The following UGT2B4 variants were observed in gnomAD, a reference collection of about 807,000 sequenced individuals.
UGT2B4 encodes UDP-glucuronosyltransferase 2B4.
Under a neutral mutation model 49.8 loss-of-function variants are expected in UGT2B4, and 49 were observed. The observed-to-expected ratio is 0.98, with a 90% CI of 0.78 to 1.25. The LOEUF (loss-of-function observed/expected upper bound fraction) is 1.25. Ranked by LOEUF, UGT2B4 falls within the 50% of genes most tolerant of loss-of-function variation. The pLI is 0.00. For synonymous variants in UGT2B4, 246 were observed against 217.7 expected (o/e 1.13, Z -1.14); for missense variants, 729 against 627.7 (o/e 1.16, Z -1.73).
At chr4:69,525,294 G>A (rs1014846511) in intron 1 of UGT2B4, among the ~76,000 whole-genome samples, 21 of 152,094 alleles carry the variant, frequency 1.4e-4, no homozygotes, top group Non-Finnish European at 8.8e-5. Flanking sequence ...GCTGGGGCTT[G>A]TCTTGATAAT....
intron 1 of UGT2B4, among the ~76,000 whole-genome samples, chr4:69,503,685 T>A (rs1728400643): frequency 6.6e-6 from 1 of 152,188 alleles, no homozygotes; most frequent in African/African-American, 2.4e-5. Flanking sequence ...CTCAGAATTG[T>A]GCTGCCCAGC....
chr4:69,506,835 G>T (rs917858992), intron 1 of UGT2B4, among the ~76,000 whole-genome samples: 1 of 152,014 alleles, frequency 6.6e-6, no homozygotes, highest in African/African-American at 2.4e-5. Context: ...CAACACACTG[G>T]CAAGCTGAAT....
At chr4:69,488,091 A>AAATTATC (rs1727848580) in intron 3 of UGT2B4, among the ~76,000 whole-genome samples, 1 of 152,202 alleles carries the variant, frequency 6.6e-6, no homozygotes, top group Admixed American at 6.5e-5. Flanking sequence ...TGGAAATTAC[A>AAATTATC]AATTATCAAG....
intron 1 of UGT2B4, among the ~76,000 whole-genome samples, chr4:69,502,118 T>TTTC (rs1553896674): frequency 2.2e-5 from 3 of 135,822 alleles, no homozygotes; most frequent in East Asian, 4.2e-4. Flanking sequence ...TCTTTCTTTC[T>TTTC]TTCTTTCTTT....
intron 1 of UGT2B4, among the ~76,000 whole-genome samples, chr4:69,511,236 C>G (rs1486817110): frequency 2.6e-5 from 4 of 152,034 alleles, no homozygotes; most frequent in Non-Finnish European, 5.9e-5. Context: ...GTGATCCACC[C>G]GTCTAGGCTT....
At chr4:69,480,979 C>T (rs1727569501) in intron 5 of UGT2B4, 69 bp from the exon 6 acceptor site, 2 of 1,552,836 alleles carry the variant, frequency 1.3e-6, no homozygotes, top group African/African-American at 1.4e-5. Context: ...AGGCTCACAC[C>T]TGCAATCCCA....
intron 1 of UGT2B4, among the ~76,000 whole-genome samples, chr4:69,525,371 C>G (rs955141390): frequency 1.3e-5 from 2 of 151,908 alleles, no homozygotes; most frequent in Non-Finnish European, 2.9e-5. Flanking sequence ...AAGAAATGCA[C>G]AAAAGCAAAG....
chr4:69,482,085 C>A (rs1560430599), intron 5 of UGT2B4, among the ~76,000 whole-genome samples: 1 of 152,130 alleles, frequency 6.6e-6, no homozygotes, highest in Non-Finnish European at 1.5e-5. Flanking sequence ...TTATATTTTT[C>A]TTTAAGCTCC....
rs745505763 is a variant in UGT2B4, at chr4:69,495,459, T to A, written c.403A>T (p.Lys135Ter). Residue 135 changes from lysine (K) to a stop codon, truncating the protein, a stop_gained, in exon 1 of 6, where the codon AAA becomes TAA. Coordinates refer to ENST00000305107, the MANE Select transcript of UGT2B4 (RefSeq NM_021139.3). LOFTEE classifies it high-confidence loss of function. ...KFCKDIVSNK[K>*]LMKKLQESRF... ...GACTCCTGTAGTTTCTTCATAAGTT[T>A]CTTATTTGAAACTATATCCTTACAG... is the stretch of plus-strand genomic sequence containing the variant. 10 of 1,613,288 alleles carry A rather than the reference T, an allele frequency of 6.2e-6. No individual in the cohort carries two copies. Among genetic ancestry groups the A allele is most frequent in the Middle Eastern group, 1.7e-4 (1 of 6,060 alleles).
At position 69,524,222 on chromosome 4, in the gene UGT2B4, G is replaced by A. The variant is rs184937361; in HGVS notation, c.-106+1465C>T. On this transcript the variant is annotated intron_variant, in intron 1 of 1. Coordinates refer to the UGT2B4 transcript ENST00000510114. ...ACAACTAGGTTAACTGCTGCAAGAG[G>A]CCTAGATTTCAGCCTATCTCAGCTT... Among the ~76,000 whole-genome samples, 423 of 152,112 alleles carry A rather than the reference G, an allele frequency of 2.8e-3. 5 individuals are homozygous for A. Among genetic ancestry groups the A allele is most frequent in the African/African-American group, 9.3e-3 (385 of 41,538 alleles).
rs780464118 is a variant in UGT2B4, at chr4:69,495,267, A to G, written c.595T>C (p.Ser199Pro). 6.2e-7 allele frequency: 1 copy of G among 1,613,444 alleles called. No homozygotes were observed. The highest frequency in any genetic ancestry group is 1.7e-5 in the Admixed American group (1 of 59,874). ...AAAGTCATTTGGTCACTTAGTTCTG[A>G]CATAACAACAGGCACATAGGAAGGA... ...FPPSYVPVVMSELSDQMTFIE... is the reference protein window; with the variant it reads ...FPPSYVPVVMPELSDQMTFIE... The change falls in exon 1 of 6, where the codon TCA (serine) becomes CCA (proline). Residue 199 changes from serine (S) to proline (P), a missense_variant. By Grantham distance (74) the Ser-to-Pro change is moderately conservative. Coordinates refer to ENST00000305107, the MANE Select transcript of UGT2B4 (RefSeq NM_021139.3).
chr4:69,495,692 G>A lies in UGT2B4; in HGVS notation c.170C>T (p.Ala57Val), dbSNP rs199634926. 1 of 1,614,046 alleles carries A rather than the reference G, an allele frequency of 6.2e-7. No individual in the cohort carries two copies. Among genetic ancestry groups the A allele is most frequent in the Non-Finnish European group, 8.5e-7 (1 of 1,179,966 alleles). ...VQRGHEVTVLASSASISFDPN... is the reference protein window; with the variant it reads ...VQRGHEVTVLVSSASISFDPN... ...ATCGAAAGAAATGGAAGCTGAAGAT[G>A]CCAATACAGTCACCTCATGACCTCT... The change falls in exon 1 of 6, where the codon GCA becomes GTA. Residue 57 changes from alanine (A) to valine (V), a missense_variant. Coordinates refer to ENST00000305107, the MANE Select transcript of UGT2B4 (RefSeq NM_021139.3).
rs1327202022 is a variant in UGT2B4, at chr4:69,480,646, C to G, written c.1575G>C (p.Gly525=). Residue 525 remains glycine (G), a synonymous_variant, in exon 6 of 6, where the codon GGG becomes GGC. Transcript: ENST00000305107. ...GCCTCAGACGTAATTAATCTCTTTT[C>G]CCCTTCTTTCCTGTTCTAACAAACT... ...VWKFVRTGKK[G]KRD The G allele has an allele frequency of 6.2e-7, 1 of 1,613,760 alleles. No homozygotes were observed. Among genetic ancestry groups the G allele is most frequent in the Admixed American group, 1.7e-5 (1 of 60,002 alleles).
chr4:69,502,650 G>A (rs939627702), intron 1 of UGT2B4, among the ~76,000 whole-genome samples: 2 of 152,066 alleles, frequency 1.3e-5, no homozygotes, highest in African/African-American at 4.8e-5. Flanking sequence ...TGGGCCTCTA[G>A]CCACTCCCTG....
Position 69,480,592 on chromosome 4 carries a change from A to G in UGT2B4, c.*42T>C. 1 of 1,593,872 alleles carries G rather than the reference A, an allele frequency of 6.3e-7. No homozygotes were observed. Among genetic ancestry groups the G allele is most frequent in the Non-Finnish European group, 8.6e-7 (1 of 1,169,410 alleles). On this transcript the variant is annotated 3_prime_UTR_variant, in exon 6 of 6. Transcript: ENST00000305107. The stretch of plus-strand genomic sequence containing the variant: ...TCTTCTTGTTGTAATAAACTAAAGG[A>G]GTTCATTTATTGGGTTTCCCAGCTT...
In UGT2B4 at chr4:69,512,084, A is replaced by G. The variant is rs1372949237; in HGVS notation, c.-106+13603T>C. On this transcript the variant is annotated intron_variant, in intron 1 of 1. Transcript: ENST00000510114. The stretch of plus-strand genomic sequence containing the variant: ...TTGAAAATTTTATCTTTTCAAAAAA[A>G]AACCTCATCTTAGATTTGTTGATTT... Among the ~76,000 whole-genome samples, 4 of 151,890 alleles carry G rather than the reference A, an allele frequency of 2.6e-5. No individual in the cohort carries two copies. The East Asian group carries it at 5.8e-4, about 22-fold the overall frequency.
chr4:69,514,957 T>C (rs2010295), intron 1 of UGT2B4, among the ~76,000 whole-genome samples: 89,274 of 151,924 alleles, frequency 0.59, 26,945 homozygotes, highest in East Asian at 0.75. Context: ...AGGGTTTAAT[T>C]CAACAAGAAG....
intron 1 of UGT2B4, among the ~76,000 whole-genome samples, chr4:69,507,872 C>G (rs1326533026): frequency 6.6e-6 from 1 of 152,070 alleles, no homozygotes; most frequent in Non-Finnish European, 1.5e-5. Flanking sequence ...TCTAACTAAA[C>G]TAAAGAACTT....
At chr4:69,496,224 A>G (rs1332375306), upstream of UGT2B4, among the ~76,000 whole-genome samples, 2 of 151,902 alleles carry the variant, frequency 1.3e-5, no homozygotes, top group African/African-American at 4.8e-5. Context: ...ATGGGGTTTC[A>G]CTGTATTCGG....
Sources: gnomAD v4.1 joint callset for allele counts (sites outside exome capture counted in the v4.1 genomes callset) on GRCh38, gnomAD v4.1.1 for gene constraint, MANE v1.5 for transcripts, NCBI Gene and HGNC (gene_info 2026-07-23, HGNC 2026-07-21) for gene names.